NPAS3: variants seen among roughly 807,000 people sequenced by gnomAD.
The protein encoded by NPAS3 is neuronal PAS domain-containing protein 3.
NPAS3 carries 14 observed loss-of-function variants against 73.1 expected under a neutral mutation model. The ratio of observed to expected loss-of-function variants is 0.19; its 90% CI spans 0.13 to 0.30. The LOEUF is 0.30. NPAS3 is among the 10% of genes least tolerant of loss of function. The pLI, the probability that NPAS3 is intolerant of heterozygous loss-of-function variation, is 1.00. For synonymous variants in NPAS3, 620 were observed against 541.5 expected (o/e 1.14, Z -2.01); for missense variants, 1,096 against 1,250.0 (o/e 0.88, Z 1.86).
At chr14:33,509,091 TGTAA>T (rs2052914807) in intron 4 of NPAS3, among the ~76,000 whole-genome samples, 1 of 151,754 alleles carries the variant, frequency 6.6e-6, no homozygotes, top group Non-Finnish European at 1.5e-5. Flanking sequence ...ATATCCTATA[TGTAA>T]GTAAGAGGAT....
chr14:32,952,628 TA>T (rs1484172968), intron 1 of NPAS3, among the ~76,000 whole-genome samples: 2 of 152,074 alleles, frequency 1.3e-5, no homozygotes, highest in Non-Finnish European at 2.9e-5. Flanking sequence ...ACATTGAGTA[TA>T]AAAATGGGTA....
upstream of NPAS3, among the ~76,000 whole-genome samples, chr14:32,938,727 G>GGGGTGAC (rs1414604708): frequency 1.3e-5 from 2 of 150,678 alleles, no homozygotes; most frequent in African/African-American, 2.4e-5. Flanking sequence ...GTGGTAGAAA[G>GGGGTGAC]GGGTGACGGG....
chr14:33,072,827 T>G (rs908257895), intron 2 of NPAS3, among the ~76,000 whole-genome samples: 2 of 152,148 alleles, frequency 1.3e-5, no homozygotes, highest in Non-Finnish European at 2.9e-5. Context: ...ACATCTAGTC[T>G]CTCTTTCTCT....
chr14:32,937,511 AT>A (rs2035735040), upstream of NPAS3, among the ~76,000 whole-genome samples: 1 of 152,096 alleles, frequency 6.6e-6, no homozygotes, highest in South Asian at 2.1e-4. Context: ...TATCTTGTCC[AT>A]AACACTCTCC....
chr14:33,440,819 G>A (rs1006464088), intron 4 of NPAS3, among the ~76,000 whole-genome samples: 12 of 151,914 alleles, frequency 7.9e-5, no homozygotes, highest in Admixed American at 1.3e-4. Context: ...CTTCAACCCC[G>A]GGGGGCAGAG....
At chr14:33,209,607 G>A (rs1291780801) in intron 2 of NPAS3, among the ~76,000 whole-genome samples, 5 of 152,112 alleles carry the variant, frequency 3.3e-5, no homozygotes, top group South Asian at 2.1e-4. Flanking sequence ...AATACAGGTC[G>A]ACCTTCTTCC....
chr14:33,575,012 G>A (rs2056378014), intron 5 of NPAS3, among the ~76,000 whole-genome samples: 1 of 152,186 alleles, frequency 6.6e-6, no homozygotes, highest in African/African-American at 2.4e-5. Context: ...ATGCCAGGCA[G>A]GAGGAAAGCT....
chr14:33,282,356 A>G (rs190604552), intron 3 of NPAS3, among the ~76,000 whole-genome samples: 1 of 152,336 alleles, frequency 6.6e-6, no homozygotes, highest in Admixed American at 6.5e-5. Flanking sequence ...CTGGTGATGC[A>G]TTATAGAGAC....
intron 5 of NPAS3, chr14:33,560,428 C>T (rs1595155858): frequency 7.3e-6 from 3 of 413,682 alleles, no homozygotes; most frequent in East Asian, 7.6e-5. Context: ...CCGCTCCCCA[C>T]CCCCCAAGGA....
At chr14:33,619,694 C>T (rs533216912) in intron 5 of NPAS3, among the ~76,000 whole-genome samples, 6 of 152,160 alleles carry the variant, frequency 3.9e-5, no homozygotes, top group Admixed American at 3.3e-4. Context: ...TATTTTAAAT[C>T]CACTCTTGTC....
intron 1 of NPAS3, among the ~76,000 whole-genome samples, chr14:33,000,749 T>C (rs1015993915): frequency 6.6e-6 from 1 of 152,148 alleles, no homozygotes; most frequent in African/African-American, 2.4e-5. Context: ...TTTGCACAAG[T>C]GCTATGGAGT....
At chr14:33,483,417 T>C (rs575406046) in intron 4 of NPAS3, among the ~76,000 whole-genome samples, 28 of 152,308 alleles carry the variant, frequency 1.8e-4, no homozygotes, top group African/African-American at 6.0e-4. Flanking sequence ...TCCACAGTTA[T>C]ACCTTTATTA....
At chr14:33,180,799 CAAGAAAAAAA>C (rs1306575515) in intron 2 of NPAS3, among the ~76,000 whole-genome samples, 2 of 69,366 alleles carry the variant, frequency 2.9e-5, no homozygotes, top group Non-Finnish European at 5.1e-5. Flanking sequence ...ACACTGTCTC[CAAGAAAAAAA>C]AAAAAAAAAA....
At chr14:33,260,820 T>C (rs2048949674) in intron 3 of NPAS3, among the ~76,000 whole-genome samples, 2 of 152,192 alleles carry the variant, frequency 1.3e-5, no homozygotes. Context: ...TTTCTTCTTC[T>C]TGGTCATTTT....
intron 4 of NPAS3, among the ~76,000 whole-genome samples, chr14:33,480,516 C>CCCGCCTCT: frequency 7.7e-6 from 1 of 130,380 alleles, no homozygotes; most frequent in African/African-American, 2.7e-5. Context: ...TCTCCCTCTC[C>CCCGCCTCT]CCCACTCTCC....
intron 5 of NPAS3, among the ~76,000 whole-genome samples, chr14:33,628,281 G>A (rs1344805896): frequency 6.6e-6 from 1 of 152,160 alleles, no homozygotes; most frequent in Non-Finnish European, 1.5e-5. Flanking sequence ...AGAATATTTA[G>A]GATTCCTAGA....
chr14:32,940,934 T>G (rs1017018738), intron 1 of NPAS3, among the ~76,000 whole-genome samples: 3 of 152,182 alleles, frequency 2.0e-5, no homozygotes, highest in Non-Finnish European at 4.4e-5. Context: ...AAATCATACA[T>G]AATCCAGTTT....
At chr14:33,202,415 A>G (rs1367091959) in intron 2 of NPAS3, among the ~76,000 whole-genome samples, 1 of 151,980 alleles carries the variant, frequency 6.6e-6, no homozygotes, top group Non-Finnish European at 1.5e-5. Flanking sequence ...AAAAAAAAAG[A>G]GAGAAATGTT....
intron 2 of NPAS3, among the ~76,000 whole-genome samples, chr14:33,103,100 G>A (rs1416409360): frequency 6.6e-6 from 1 of 152,196 alleles, no homozygotes; most frequent in East Asian, 1.9e-4. Flanking sequence ...AATACCTTAT[G>A]AGGAATGTGT....
Sources: allele counts gnomAD v4.1 joint callset (sites outside exome capture counted in the v4.1 genomes callset), GRCh38; gene constraint gnomAD v4.1.1; transcripts MANE v1.5; gene names NCBI Gene and HGNC (gene_info 2026-07-23, HGNC 2026-07-21).